The following BACH2 variants were observed in gnomAD, a reference collection of about 807,000 sequenced individuals.
The protein encoded by BACH2 is BACH transcriptional regulator 2, also known as transcription regulator protein BACH2.
Under a neutral mutation model 61.8 loss-of-function variants are expected in BACH2, and 5 were observed. That is an observed-to-expected ratio of 0.08 (90% CI 0.04 to 0.17). The LOEUF is 0.17. Among genes scored for constraint, BACH2 ranks in the 10% least tolerant of loss-of-function variants. The probability of loss-of-function intolerance (pLI) is 1.00; values close to 1 mark genes in which losing one functional copy is unlikely to be tolerated. For synonymous variants in BACH2, 446 were observed against 440.1 expected (o/e 1.01, Z -0.17); for missense variants, 824 against 1,091.1 (o/e 0.76, Z 3.45).
chr6:90,112,367 C>A (rs1385863723), intron 4 of BACH2, among the ~76,000 whole-genome samples: 1 of 152,168 alleles, frequency 6.6e-6, no homozygotes, highest in Non-Finnish European at 1.5e-5. Flanking sequence ...GGCAGGTCAA[C>A]TACAAAGGGA....
Position 90,225,124 on chromosome 6 carries a change from C to T in BACH2, c.-274-18443G>A, listed in dbSNP as rs572317675. ...ACAAGGTTGGGCATGCTGGCTCACA[C>T]CTGTAATCCCAGCACTTTCTGAGGC... On this transcript the variant is annotated intron_variant, in intron 3 of 8. Transcript: ENST00000257749. Among the ~76,000 whole-genome samples the T allele has an allele frequency of 5.9e-5, 9 of 152,270 alleles. No homozygotes were observed. The South Asian group carries it at 1.0e-3, about 18-fold the overall frequency.
At chr6:90,003,138 C>T (rs1777221911) in intron 6 of BACH2, among the ~76,000 whole-genome samples, 2 of 152,182 alleles carry the variant, frequency 1.3e-5, no homozygotes, top group African/African-American at 4.8e-5. Context: ...TCAAAATGAC[C>T]TGTGAAACTC....
chr6:90,102,834 AAT>A (rs1369848754), intron 4 of BACH2, among the ~76,000 whole-genome samples: 4 of 140,618 alleles, frequency 2.8e-5, no homozygotes, highest in African/African-American at 8.0e-5. Flanking sequence ...TAATAATAAT[AAT>A]AATAAAAATA....
chr6:89,942,498 C>T (rs975732584), intron 7 of BACH2, among the ~76,000 whole-genome samples: 3 of 152,184 alleles, frequency 2.0e-5, no homozygotes, highest in Non-Finnish European at 4.4e-5. Flanking sequence ...AACTGTCCCT[C>T]CACACACTTG....
chr6:90,283,556 T>C (rs1465747836), intron 1 of BACH2, among the ~76,000 whole-genome samples: 6 of 151,302 alleles, frequency 4.0e-5, no homozygotes, highest in Admixed American at 3.9e-4. Context: ...TTTGTATTTT[T>C]ACTAGAGACA....
Position 90,133,414 on chromosome 6 carries a change from C to T in BACH2, c.-161-44305G>A, listed in dbSNP as rs543981382. On this transcript the variant is annotated intron_variant, in intron 4 of 8. Coordinates refer to ENST00000257749, the MANE Select transcript of BACH2 (RefSeq NM_021813.4). ...CAATGCTGCCAAATGCCCTCACCTA[C>T]GTTAAATCAGGTAATCTTAAACTCA... Among the ~76,000 whole-genome samples the T allele has an allele frequency of 9.9e-5, 15 of 152,106 alleles. 1 individual carries two copies. The highest frequency in any genetic ancestry group is 4.2e-4 in the South Asian group (2 of 4,808).
At chr6:89,979,489 A>G (rs1775836090) in intron 6 of BACH2, among the ~76,000 whole-genome samples, 1 of 152,210 alleles carries the variant, frequency 6.6e-6, no homozygotes, top group African/African-American at 2.4e-5. Context: ...AGAAGGTACT[A>G]CAGACATACA....
chr6:89,943,803 A>G (rs1216526055), intron 7 of BACH2, among the ~76,000 whole-genome samples: 2 of 152,348 alleles, frequency 1.3e-5, no homozygotes, highest in African/African-American at 4.8e-5. Context: ...TTTTATTACC[A>G]GATGTTGATT....
rs116468162 is a variant in BACH2 at position 90,109,613 on chromosome 6, T to G, written c.-161-20504A>C. Among the ~76,000 whole-genome samples, 1,103 of 152,330 alleles carry G rather than the reference T, an allele frequency of 7.2e-3. 15 individuals are homozygous for G. The highest frequency in any genetic ancestry group is 0.025 in the African/African-American group (1,038 of 41,564). ...AGCACCTGAACTTGTATATTCAACATGCATCTCAAGTATAACATGGCCAAA... is the reference window on the plus strand; with the variant it reads ...AGCACCTGAACTTGTATATTCAACAGGCATCTCAAGTATAACATGGCCAAA... On this transcript the variant is annotated intron_variant, in intron 4 of 8. Transcript: ENST00000257749.
At chr6:89,962,897 T>C (rs924822351) in intron 6 of BACH2, among the ~76,000 whole-genome samples, 4 of 152,150 alleles carry the variant, frequency 2.6e-5, no homozygotes, top group Admixed American at 6.5e-5. Flanking sequence ...AATCTGATTC[T>C]ATCAAAGGAT....
chr6:90,079,147 T>A (rs1781607964), intron 5 of BACH2, among the ~76,000 whole-genome samples: 1 of 152,168 alleles, frequency 6.6e-6, no homozygotes, highest in African/African-American at 2.4e-5. Flanking sequence ...ACGGACACGT[T>A]ATCACTTACT....
intron 6 of BACH2, among the ~76,000 whole-genome samples, chr6:89,990,793 T>C (rs1488896865): frequency 1.3e-5 from 2 of 152,240 alleles, no homozygotes; most frequent in African/African-American, 4.8e-5. Flanking sequence ...AACTTAGGTA[T>C]TCCTGCTTAC....
chr6:90,193,302 G>A (rs1768639889), intron 4 of BACH2, among the ~76,000 whole-genome samples: 1 of 152,220 alleles, frequency 6.6e-6, no homozygotes, highest in Admixed American at 6.5e-5. Context: ...CATACTGGAA[G>A]AGAGTGTGCC....
intron 7 of BACH2, among the ~76,000 whole-genome samples, chr6:89,945,290 C>T (rs1013969396): frequency 2.0e-5 from 3 of 152,130 alleles, no homozygotes; most frequent in Non-Finnish European, 4.4e-5. Context: ...CAATGAACAA[C>T]AAAATGTGGT....
At chr6:90,278,051 A>G (rs1771748403) in intron 1 of BACH2, among the ~76,000 whole-genome samples, 1 of 152,218 alleles carries the variant, frequency 6.6e-6, no homozygotes, top group African/African-American at 2.4e-5. Flanking sequence ...TATTCTACCC[A>G]AAGTTAAAGT....
chr6:90,044,177 A>G lies in BACH2; in HGVS notation c.-12-35321T>C, dbSNP rs115725977. 5.9e-3 allele frequency among the ~76,000 whole-genome samples: 891 copies of G among 152,290 alleles called. 9 individuals carry two copies. The highest frequency in any genetic ancestry group is 0.02 in the African/African-American group (825 of 41,556). On this transcript the variant is annotated intron_variant, in intron 5 of 8. Coordinates refer to ENST00000257749, the MANE Select transcript of BACH2 (RefSeq NM_021813.4). ...AATCTACAATAATGTGCTGTAGAGG[A>G]AAAAAATAAGGCAGGGCAAGAGCAG... is the stretch of plus-strand genomic sequence containing the variant.
chr6:89,979,474 T>C (rs575147736), intron 6 of BACH2, among the ~76,000 whole-genome samples: 2 of 152,164 alleles, frequency 1.3e-5, no homozygotes, highest in East Asian at 3.9e-4. Context: ...CTATGACAAA[T>C]ATGGAGAAGG....
At chr6:90,160,904 C>A (rs1406619732) in intron 4 of BACH2, among the ~76,000 whole-genome samples, 1 of 152,068 alleles carries the variant, frequency 6.6e-6, no homozygotes, top group Admixed American at 6.5e-5. Context: ...TCCTGGCCAA[C>A]ATGGTGAAAC....
chr6:90,216,886 G>T (rs1311166049), intron 3 of BACH2, among the ~76,000 whole-genome samples: 1 of 152,098 alleles, frequency 6.6e-6, no homozygotes, highest in African/African-American at 2.4e-5. Context: ...ACCACGTACA[G>T]GACACACCCC....
Sources: allele counts gnomAD v4.1 joint callset (sites outside exome capture counted in the v4.1 genomes callset), GRCh38; gene constraint gnomAD v4.1.1; transcripts MANE v1.5; gene names NCBI Gene and HGNC (gene_info 2026-07-23, HGNC 2026-07-21).